Variants in THSD7A observed in about 807,000 individuals in gnomAD.
THSD7A encodes the protein thrombospondin type 1 domain containing 7A.
In THSD7A, 96 loss-of-function variants were observed where a neutral mutation model predicts 231.3. The ratio of observed to expected loss-of-function variants is 0.41; its 90% CI spans 0.35 to 0.49. The LOEUF (loss-of-function observed/expected upper bound fraction) is 0.49. Ranked by LOEUF, THSD7A falls within the 20% of genes least tolerant of loss-of-function variation. The pLI, the probability that THSD7A is intolerant of heterozygous loss-of-function variation, is 0.05. For synonymous variants in THSD7A, 940 were observed against 743.3 expected, an observed-to-expected ratio of 1.26 and a Z score of -4.30; for missense variants, 2,290 against 2,070.2, an observed-to-expected ratio of 1.11 and a Z score of -2.06.
In THSD7A at chr7:11,417,517, A is replaced by T. The variant is rs776888292; in HGVS notation, c.3470T>A (p.Val1157Glu). The T allele has an allele frequency of 6.2e-7, 1 of 1,613,556 alleles. No individual in the cohort carries two copies. Among genetic ancestry groups the T allele is most frequent in the African/African-American group, 1.3e-5 (1 of 74,896 alleles). ...GTCCTCAGGGCATGGTAATTTGCAC[A>T]CTCTAGAGCCCAGGGGCATCTCTTC... is the stretch of plus-strand genomic sequence containing the variant. ...DPEEMPLGSR[V>E]CKLPCPEDCV... is the part of the protein sequence containing the mutation. Residue 1157 changes from valine (V) to glutamate (E), a missense_variant, in exon 17 of 28, where the codon GTG becomes GAG. Physicochemically the swap from Val to Glu is moderately radical, Grantham distance 121. Transcript: ENST00000423059.
chr7:11,544,708 C>A (rs958915180), intron 4 of THSD7A, among the ~76,000 whole-genome samples: 1 of 152,130 alleles, frequency 6.6e-6, no homozygotes, highest in Non-Finnish European at 1.5e-5. Flanking sequence ...ACATTGATTC[C>A]TCTTACTACC....
At chr7:11,424,363 G>C (rs573522008) in intron 16 of THSD7A, among the ~76,000 whole-genome samples, 52 of 152,280 alleles carry the variant, frequency 3.4e-4, no homozygotes, top group Non-Finnish European at 1.5e-5. Flanking sequence ...GTTTAAAACA[G>C]ATTATTTTAG....
At chr7:11,386,434 T>C (rs1011885711) in intron 23 of THSD7A, among the ~76,000 whole-genome samples, 4 of 152,186 alleles carry the variant, frequency 2.6e-5, no homozygotes, top group Non-Finnish European at 4.4e-5. Flanking sequence ...TGGTATCTCA[T>C]TGTGGTTTTG....
At chr7:11,499,619 A>G (rs532416675) in intron 6 of THSD7A, among the ~76,000 whole-genome samples, 4 of 152,344 alleles carry the variant, frequency 2.6e-5, no homozygotes, top group Admixed American at 1.3e-4. Context: ...CCAGTACAAA[A>G]AAGAATCTAA....
chr7:11,758,403 A>C (rs1481987074), intron 1 of THSD7A, among the ~76,000 whole-genome samples: 2 of 149,420 alleles, frequency 1.3e-5, no homozygotes, highest in Non-Finnish European at 2.9e-5. Context: ...TCAGATGCAG[A>C]AAAAAATAAG....
chr7:11,705,524 A>C (rs138408118), intron 1 of THSD7A, among the ~76,000 whole-genome samples: 1 of 150,992 alleles, frequency 6.6e-6, no homozygotes, highest in East Asian at 2.0e-4. Context: ...CCTTTCTGTC[A>C]GCCTATTGCA....
Position 11,616,940 on chromosome 7 carries a change from T to C in THSD7A, c.1022+19190A>G, listed in dbSNP as rs150943606. On this transcript the variant is annotated intron_variant, in intron 2 of 27. Transcript: ENST00000423059. ...CATTTAAATGTTTTTATTTTAAAAA[T>C]GTAATTATCATCTTATTATTCAAGG... 3.6e-3 allele frequency among the ~76,000 whole-genome samples: 541 copies of C among 152,334 alleles called. 3 individuals are homozygous for C. The highest frequency in any genetic ancestry group is 0.012 in the African/African-American group (512 of 41,588).
At chr7:11,729,482 C>G (rs1781655210) in intron 1 of THSD7A, among the ~76,000 whole-genome samples, 1 of 151,616 alleles carries the variant, frequency 6.6e-6, no homozygotes, top group South Asian at 2.1e-4. Flanking sequence ...CTGCTACAGG[C>G]TATTTTAGAA....
chr7:11,443,566 A>G (rs1333046678), intron 13 of THSD7A, among the ~76,000 whole-genome samples: 2 of 152,032 alleles, frequency 1.3e-5, no homozygotes, highest in Non-Finnish European at 2.9e-5. Context: ...TTATATGCAG[A>G]GCTTCAATAT....
At chr7:11,483,659 G>T (rs1387124498) in intron 6 of THSD7A, among the ~76,000 whole-genome samples, 1 of 151,894 alleles carries the variant, frequency 6.6e-6, no homozygotes, top group Non-Finnish European at 1.5e-5. Flanking sequence ...TTTCTACTAG[G>T]CTTTTTCTTA....
intron 9 of THSD7A, among the ~76,000 whole-genome samples, chr7:11,464,143 T>C (rs1373847793): frequency 1.3e-5 from 2 of 152,040 alleles, no homozygotes; most frequent in African/African-American, 4.8e-5. Flanking sequence ...TTGTTTTATG[T>C]GTATGAACTG....
chr7:11,418,676 C>T (rs1304934491), intron 16 of THSD7A, among the ~76,000 whole-genome samples: 2 of 152,164 alleles, frequency 1.3e-5, no homozygotes, highest in South Asian at 2.1e-4. Flanking sequence ...ATCTCCTCTG[C>T]AGAGTCACCT....
intron 1 of THSD7A, among the ~76,000 whole-genome samples, chr7:11,762,535 G>C (rs1325843876): frequency 6.6e-6 from 1 of 152,124 alleles, no homozygotes; most frequent in Admixed American, 6.5e-5. Flanking sequence ...GTCTTCTTCT[G>C]AGAAATGTCT....
Position 11,373,719 on chromosome 7 carries a change from C to T in THSD7A, c.*2075G>A, listed in dbSNP as rs1782151492. 1 of 151,940 alleles carries T rather than the reference C, an allele frequency of 6.6e-6. No homozygotes were observed. Among genetic ancestry groups the T allele is most frequent in the Admixed American group, 6.6e-5 (1 of 15,212 alleles). 9.4% of individuals were successfully genotyped at this position (151,940 alleles called of 1,614,324 possible). On this transcript the variant is annotated 3_prime_UTR_variant, in exon 28 of 28. Coordinates refer to ENST00000423059, the MANE Select transcript of THSD7A (RefSeq NM_015204.3). ...ATGTCTTTTGTAATCTTTGCAAATA[C>T]TCTAATGAACAGCAGGGGGAGTTCA...
At position 11,377,769 on chromosome 7, in the gene THSD7A, TCTAAGTTTTCAGAACA is replaced by T. The variant is rs1782335887; in HGVS notation, c.4802-1128_4802-1113del. 6.6e-6 allele frequency: 1 copy of T among 152,116 alleles called. No individual in the cohort carries two copies. The highest frequency in any genetic ancestry group is 2.1e-4 in the South Asian group (1 of 4,828). 9.4% of individuals were successfully genotyped at this position (152,116 alleles called of 1,614,324 possible). A position where few individuals can be genotyped will look rare whatever the true frequency, so the allele number is the denominator to read the frequency against. On this transcript the variant is annotated intron_variant, in intron 26 of 27. Transcript: ENST00000423059. The surrounding 1 kb of genome is among the most constrained non-coding windows in gnomAD (Gnocchi z 4.5). Reference sequence around the variant, plus strand: ...TGGGGTTTTTCAAAATCAAAGAATATCTAAGTTTTCAGAACATGCACCTTTTAAATATTTTAAAATT... The same window carrying T: ...TGGGGTTTTTCAAAATCAAAGAATATTGCACCTTTTAAATATTTTAAAATT...
intron 1 of THSD7A, among the ~76,000 whole-genome samples, chr7:11,760,295 T>C (rs1272991485): frequency 6.6e-6 from 1 of 152,100 alleles, no homozygotes; most frequent in Non-Finnish European, 1.5e-5. Context: ...ATATAATGTT[T>C]GTTGTAAGAA....
chr7:11,564,211 T>C (rs537116732), intron 4 of THSD7A, among the ~76,000 whole-genome samples: 2 of 152,328 alleles, frequency 1.3e-5, no homozygotes, highest in Non-Finnish European at 2.9e-5. Context: ...TTCCTTTTTC[T>C]TTTCTCCTCA....
intron 1 of THSD7A, among the ~76,000 whole-genome samples, chr7:11,711,135 G>C (rs966336732): frequency 4.6e-5 from 7 of 150,904 alleles, no homozygotes; most frequent in African/African-American, 4.8e-5. Context: ...GAAAGTTGAA[G>C]TAATATAAAT....
chr7:11,702,354 G>C (rs1434091781), intron 1 of THSD7A, among the ~76,000 whole-genome samples: 1 of 151,162 alleles, frequency 6.6e-6, no homozygotes, highest in Non-Finnish European at 1.5e-5. Context: ...CAAGGTCCTT[G>C]TTACAGCATG....
Sources: gnomAD v4.1 joint callset for allele counts (sites outside exome capture counted in the v4.1 genomes callset) on GRCh38, gnomAD v4.1.1 for gene constraint, Gnocchi (gnomAD v3.1) non-coding constraint, MANE v1.5 for transcripts, NCBI Gene and HGNC (gene_info 2026-07-23, HGNC 2026-07-21) for gene names.